Variants in ETHE1 observed in about 807,000 individuals in gnomAD.
ETHE1 encodes the protein persulfide dioxygenase ETHE1, mitochondrial.
Under a neutral mutation model 25.7 loss-of-function variants are expected in ETHE1, and 16 were observed. The ratio of observed to expected loss-of-function variants is 0.62; its 90% CI spans 0.42 to 0.95. ETHE1 has a LOEUF of 0.95. Among genes scored for constraint, ETHE1 ranks in the 40% least tolerant of loss-of-function variants. The pLI, the probability that ETHE1 is intolerant of heterozygous loss-of-function variation, is 0.00. For missense variants in ETHE1, 300 were observed against 333.6 expected, an observed-to-expected ratio of 0.90 and a Z score of 0.79; for synonymous variants, 139 against 135.9, an observed-to-expected ratio of 1.02 and a Z score of -0.16.
chr19:43,508,745 C>T (rs372131974), intron 5 of ETHE1, 30 bp downstream of exon 5: 33 of 1,508,160 alleles, frequency 2.2e-5, no homozygotes, highest in Middle Eastern at 1.7e-4. Flanking sequence ...AAGTTATGTA[C>T]GCCCCACACC....
At chr19:43,517,644 G>C (rs913275230) in intron 3 of ETHE1, among the ~76,000 whole-genome samples, 1 of 151,794 alleles carries the variant, frequency 6.6e-6, no homozygotes, top group Non-Finnish European at 1.5e-5. Flanking sequence ...AGGCGTGGTG[G>C]TGATGTCTGT....
chr19:43,516,939 G>T (rs1568496334), intron 3 of ETHE1, among the ~76,000 whole-genome samples: 1 of 151,726 alleles, frequency 6.6e-6, no homozygotes, highest in Non-Finnish European at 1.5e-5. Flanking sequence ...ACAATTTATT[G>T]ACTTTACAAT....
chr19:43,526,580 A>G lies in ETHE1; in HGVS notation c.161T>C (p.Val54Ala), dbSNP rs1296068962. 13 of 1,614,006 alleles carry G rather than the reference A, an allele frequency of 8.1e-6. No individual in the cohort carries two copies. Among genetic ancestry groups the G allele is most frequent in the Non-Finnish European group, 1.0e-5 (12 of 1,179,976 alleles). Residue 54 changes from valine (V) to alanine (A), a missense_variant, in exon 2 of 7, where the codon GTC becomes GCC. By Grantham distance (64) the Val-to-Ala change is moderately conservative. Transcript: ENST00000292147. ...ESREAVLIDP[V>A]LETAPRDAQL... The stretch of plus-strand genomic sequence containing the variant: ...GGCATCCCGAGGCGCTGTTTCCAGG[A>G]CTGGGTCGATCAGAACGGCCTCCCG...
intron 3 of ETHE1, among the ~76,000 whole-genome samples, chr19:43,522,873 G>A (rs1442036069): frequency 6.6e-6 from 1 of 152,168 alleles, no homozygotes; most frequent in African/African-American, 2.4e-5. Flanking sequence ...CACAATAAGA[G>A]AGCTGAGTAG....
chr19:43,520,477 G>A (rs1478211012), intron 3 of ETHE1, among the ~76,000 whole-genome samples: 1 of 152,120 alleles, frequency 6.6e-6, no homozygotes, highest in African/African-American at 2.4e-5. Flanking sequence ...AAGGAGGGAG[G>A]ATTGCCTGAG....
rs539321356 is a variant in ETHE1 at position 43,527,201 on chromosome 19, T to G, written c.-24A>C. 5.2e-6 allele frequency: 8 copies of G among 1,533,768 alleles called. No homozygotes were observed. In the African/African-American group the frequency reaches 6.8e-5, roughly 13 times the overall value. ...ATCGCGCCCACTGCGGGGTCAGGAA[T>G]GAGCGGAGGCCGAGCGCCTGCAGGA... is the stretch of plus-strand genomic sequence containing the variant. On this transcript the variant is annotated 5_prime_UTR_variant, in exon 1 of 7. Transcript: ENST00000292147.
At chr19:43,510,064 T>C (rs1457610026) in intron 4 of ETHE1, among the ~76,000 whole-genome samples, 1 of 152,100 alleles carries the variant, frequency 6.6e-6, no homozygotes, top group Non-Finnish European at 1.5e-5. Context: ...GGCCTGGGGA[T>C]GTGGCTTCCA....
chr19:43,527,029 A>C (rs1293148590), intron 1 of ETHE1, 68 bp downstream of exon 1: 27 of 1,539,942 alleles, frequency 1.8e-5, no homozygotes, highest in Non-Finnish European at 2.2e-5. Flanking sequence ...CTATTAAGAG[A>C]CCCCGGAGTT....
In ETHE1 at chr19:43,526,847, C is replaced by T. The variant is rs932022304; in HGVS notation, c.82-188G>A. 1.6e-5 allele frequency: 24 copies of T among 1,476,816 alleles called. No individual in the cohort carries two copies. The East Asian group carries it at 3.2e-4, about 20-fold the overall frequency. 91.5% of individuals were successfully genotyped at this position (1,476,816 alleles called of 1,614,324 possible). A position where few individuals can be genotyped will look rare whatever the true frequency, so the allele number is the denominator to read the frequency against. ...ATCAGAACAAAAGAGTTCCAACTTC[C>T]TAACATCCCAAAATCAGGGTCCCCA... On this transcript the variant is annotated intron_variant, in intron 1 of 6. Coordinates refer to ENST00000292147, the MANE Select transcript of ETHE1 (RefSeq NM_014297.5).
At chr19:43,516,225 C>T (rs947861231) in intron 3 of ETHE1, among the ~76,000 whole-genome samples, 5 of 152,024 alleles carry the variant, frequency 3.3e-5, no homozygotes, top group African/African-American at 1.2e-4. Flanking sequence ...GCAGTTTCTA[C>T]TAAAGCTAAA....
At position 43,517,268 on chromosome 19, in the gene ETHE1, G is replaced by C. The variant is rs563820367; in HGVS notation, c.376-5702C>G. 1.0e-4 allele frequency among the ~76,000 whole-genome samples: 15 copies of C among 146,532 alleles called. No homozygotes were observed. The South Asian group carries it at 3.3e-3, about 32-fold the overall frequency. On this transcript the variant is annotated intron_variant, in intron 3 of 6. Transcript: ENST00000292147. ...ACAAGGCTTTGTGTTAGATGAGTTT[G>C]CCCAACTGTAGGCTAATGTAAATGT...
At chr19:43,519,477 C>T (rs1431056242) in intron 3 of ETHE1, among the ~76,000 whole-genome samples, 3 of 152,066 alleles carry the variant, frequency 2.0e-5, no homozygotes, top group South Asian at 2.1e-4. Flanking sequence ...CCTGCCTAAC[C>T]CCAAATTCTT....
intron 3 of ETHE1, among the ~76,000 whole-genome samples, chr19:43,524,762 C>T (rs1972205765): frequency 2.6e-5 from 4 of 151,722 alleles, no homozygotes; most frequent in Admixed American, 2.0e-4. Context: ...TATGATCCCA[C>T]CATTGCACTC....
chr19:43,523,952 G>C (rs920046055), intron 3 of ETHE1, among the ~76,000 whole-genome samples: 2 of 151,288 alleles, frequency 1.3e-5, no homozygotes, highest in Non-Finnish European at 2.9e-5. Flanking sequence ...AAATAAAAAT[G>C]TGCCTGGGCG....
intron 4 of ETHE1, among the ~76,000 whole-genome samples, chr19:43,509,574 T>A (rs1216112972): frequency 6.7e-6 from 1 of 149,752 alleles, no homozygotes; most frequent in Non-Finnish European, 1.5e-5. Flanking sequence ...GGTGGGTGAA[T>A]CACAAAGTCA....
chr19:43,525,247 A>G (rs780026407), intron 3 of ETHE1, among the ~76,000 whole-genome samples: 3 of 152,168 alleles, frequency 2.0e-5, no homozygotes, highest in Non-Finnish European at 2.9e-5. Flanking sequence ...TACAATGTAC[A>G]TACATGTACA....
rs1368143349 is a variant in ETHE1, at chr19:43,508,077, G to A, written c.596-17C>T. ...CTGTGAACCCTAGGGGCCAAGGGAG[G>A]GGAAGGAAAGTCAAGGAGTCTAGTG... On this transcript the variant is annotated splice_polypyrimidine_tract_variant and intron_variant, in intron 5 of 6. Transcript: ENST00000292147. The A allele has an allele frequency of 1.4e-5, 23 of 1,613,002 alleles. No homozygotes were observed. Among genetic ancestry groups the A allele is most frequent in the Non-Finnish European group, 1.9e-5 (22 of 1,179,824 alleles).
At chr19:43,508,100 G>A (rs757630152) in intron 5 of ETHE1, 40 bp from the exon 6 acceptor site, 3 of 1,610,486 alleles carry the variant, frequency 1.9e-6, no homozygotes, top group Non-Finnish European at 1.7e-6. Flanking sequence ...AAGGAGTCTA[G>A]TGCCTCAGGC....
At chr19:43,509,868 A>C (rs1236549760) in intron 4 of ETHE1, among the ~76,000 whole-genome samples, 1 of 152,192 alleles carries the variant, frequency 6.6e-6, no homozygotes, top group African/African-American at 2.4e-5. Flanking sequence ...GTGTGAAGCC[A>C]TGGTCCCCAC....
Sources: gnomAD v4.1 joint callset for allele counts (sites outside exome capture counted in the v4.1 genomes callset) on GRCh38, gnomAD v4.1.1 for gene constraint, MANE v1.5 for transcripts, NCBI Gene and HGNC (gene_info 2026-07-23, HGNC 2026-07-21) for gene names.